Variants in TADA3 observed in about 807,000 individuals in gnomAD.
The protein encoded by TADA3 is transcriptional adapter 3.
TADA3 carries 25 observed loss-of-function variants against 43.2 expected under a neutral mutation model. The ratio of observed to expected loss-of-function variants is 0.58; its 90% confidence interval spans 0.42 to 0.81. The LOEUF is 0.81. Among genes scored for constraint, TADA3 ranks in the 30% least tolerant of loss-of-function variants. The pLI is 0.00. For synonymous variants in TADA3, 235 were observed against 225.5 expected, an observed-to-expected ratio of 1.04 and a Z score of -0.38; for missense variants, 441 against 567.8, an observed-to-expected ratio of 0.78 and a Z score of 2.27.
chr3:9,780,663 TCATA>T (rs1317322286), intron 8 of TADA3, 114 bp from the exon 9 acceptor site: 2 of 1,135,834 alleles, frequency 1.8e-6, no homozygotes, highest in East Asian at 2.6e-5. Context: ...GTGGATTGTG[TCATA>T]CAGTCGTGAC....
intron 8 of TADA3, among the ~76,000 whole-genome samples, chr3:9,781,053 C>A (rs971933968): frequency 1.3e-5 from 2 of 151,956 alleles, no homozygotes; most frequent in Admixed American, 1.3e-4. Flanking sequence ...TTGCTTGAGG[C>A]CAGGAGTTCA....
chr3:9,789,990 G>C (rs200731930), intron 2 of TADA3, 27 bp from the exon 3 acceptor site: 19 of 1,557,028 alleles, frequency 1.2e-5, no homozygotes, highest in Middle Eastern at 3.5e-4. Flanking sequence ...GTGTCACTGA[G>C]GGGGAGAAGG....
In TADA3 at chr3:9,787,258, G is replaced by A. The variant is rs377247076; in HGVS notation, c.647C>T (p.Ala216Val). ...GCCTTTCTTCTTGTCAGCCACAGCCGCTGCCCGGGCCCCATCCTTCTGCTC... is the reference window on the plus strand; with the variant it reads ...GCCTTTCTTCTTGTCAGCCACAGCCACTGCCCGGGCCCCATCCTTCTGCTC... The part of the protein sequence containing the change: ...LEEQKDGARA[A>V]AVADKKKGLM... The change falls in exon 5 of 9, where the codon GCG becomes GTG. Residue 216 changes from alanine to valine, a missense_variant. Physicochemically the swap from Ala to Val is moderately conservative, Grantham distance 64. Transcript: ENST00000301964. The A allele has an allele frequency of 1.1e-5, 18 of 1,614,050 alleles. No individual in the cohort carries two copies. Among genetic ancestry groups the A allele is most frequent in the African/African-American group, 6.7e-5 (5 of 74,916 alleles).
intron 1 of TADA3, 41 bp from the exon 2 acceptor site, chr3:9,791,534 G>A: frequency 7.6e-7 from 1 of 1,308,038 alleles, no homozygotes; most frequent in South Asian, 1.4e-5. Context: ...AAAGTGGTCT[G>A]AGAAAAGCCC....
At position 9,787,084 on chromosome 3, in the gene TADA3, A is replaced by G. The variant is rs759482474; in HGVS notation, c.732T>C (p.Ser244=). Residue 244 remains serine (S), a synonymous_variant, in exon 6 of 9, where the codon TCT becomes TCC. Transcript: ENST00000301964. ...TKDVDALLKK[S]EAQHEQPEDG... ...CTTCCGGCTGTTCATGCTGGGCCTC[A>G]GACTTCTTCAGCAGGGCATCCACAT... 1 of 1,614,254 alleles carries G rather than the reference A, an allele frequency of 6.2e-7. No individual in the cohort carries two copies. Among genetic ancestry groups the G allele is most frequent in the Admixed American group, 1.7e-5 (1 of 60,024 alleles).
chr3:9,788,956 C>T (rs893402060), intron 4 of TADA3, among the ~76,000 whole-genome samples: 3 of 152,050 alleles, frequency 2.0e-5, no homozygotes, highest in African/African-American at 7.2e-5. Context: ...CTGACTCAGC[C>T]TCCCGAGTAG....
At chr3:9,790,661 T>C (rs569016233) in intron 2 of TADA3, among the ~76,000 whole-genome samples, 1 of 152,298 alleles carries the variant, frequency 6.6e-6, no homozygotes, top group Admixed American at 6.5e-5. Flanking sequence ...ATAAATAACA[T>C]CTGAAGTACT....
rs1448116279 is a variant in TADA3, at chr3:9,791,511, A to G, written c.-27-18T>C. The G allele has an allele frequency of 6.8e-7, 1 of 1,476,416 alleles. No individual in the cohort carries two copies. The highest frequency in any genetic ancestry group is 1.4e-5 in the African/African-American group (1 of 71,700). 91.5% of individuals were successfully genotyped at this position (1,476,416 alleles called of 1,614,324 possible). A position where few individuals can be genotyped will look rare whatever the true frequency, so the allele number is the denominator to read the frequency against. ...CTGTGGAGCTGGAGAGGACAGGGCC[A>G]TTGATGGGAGACAAAGTGGTCTGAG... On this transcript the variant is annotated intron_variant, in intron 1 of 8. Transcript: ENST00000301964.
At chr3:9,790,052 T>C (rs911604807) in intron 2 of TADA3, 89 bp from the exon 3 acceptor site, 1 of 1,443,218 alleles carries the variant, frequency 6.9e-7, no homozygotes, top group East Asian at 2.4e-5. Context: ...ATCTAGAATC[T>C]ACAGAGGCTC....
chr3:9,792,726 G>T (rs778335537), upstream of TADA3: 1 of 1,236,154 alleles, frequency 8.1e-7, no homozygotes. Flanking sequence ...CGAGAGAAAG[G>T]ATGGGGGTAC....
chr3:9,791,406 T>G lies in TADA3; in HGVS notation c.61A>C (p.Lys21Gln). The change falls in exon 2 of 9, where the codon AAG becomes CAG. Residue 21 changes from lysine to glutamine, a missense_variant. Lys to Gln is a moderately conservative substitution (Grantham distance 53). Coordinates refer to ENST00000301964, the MANE Select transcript of TADA3 (RefSeq NM_006354.5). The stretch of plus-strand genomic sequence containing the variant: ...ACTGCCGTGTAGCGGGGACAGACCT[T>G]CAGGTGATCCACAGACTTGAAGTCG... ...FHDFKSVDHL[K>Q]VCPRYTAVLA... 6.2e-7 allele frequency: 1 copy of G among 1,614,128 alleles called. No homozygotes were observed. The highest frequency in any genetic ancestry group is 8.5e-7 in the Non-Finnish European group (1 of 1,179,978).
intron 3 of TADA3, 25 bp from the exon 4 acceptor site, chr3:9,789,639 T>A (rs192200343): frequency 5.3e-5 from 86 of 1,612,430 alleles, no homozygotes; most frequent in Non-Finnish European, 7.0e-5. Flanking sequence ...AGATCCTGAG[T>A]GGGCGCCCCT....
chr3:9,791,087 G>C (rs1419289426), intron 2 of TADA3, among the ~76,000 whole-genome samples, 173 bp downstream of exon 2: 1 of 152,194 alleles, frequency 6.6e-6, no homozygotes, highest in Non-Finnish European at 1.5e-5. Flanking sequence ...AATTTAAGAG[G>C]ATCATGCATA....
chr3:9,789,139 G>C (rs894242453), intron 4 of TADA3, among the ~76,000 whole-genome samples: 1 of 152,142 alleles, frequency 6.6e-6, no homozygotes, highest in Admixed American at 6.6e-5. Flanking sequence ...CCCAGCCCAA[G>C]TTTTATATCT....
chr3:9,792,437 G>A lies in TADA3; in HGVS notation c.-249C>T, dbSNP rs1253452657. 4.5e-6 allele frequency: 5 copies of A among 1,109,684 alleles called. No individual in the cohort carries two copies. Among genetic ancestry groups the A allele is most frequent in the African/African-American group, 1.6e-5 (1 of 61,584 alleles). 68.7% of individuals were successfully genotyped at this position (1,109,684 alleles called of 1,614,324 possible). On this transcript the variant is annotated 5_prime_UTR_variant, in exon 1 of 9. Coordinates refer to ENST00000301964, the MANE Select transcript of TADA3 (RefSeq NM_006354.5). Reference sequence around the variant, plus strand: ...GCCCCAGGGGCCGCGGGAGGGGGCGGGGAGTTCCGGTCGATGTGAGCAACC... The same window carrying A: ...GCCCCAGGGGCCGCGGGAGGGGGCGAGGAGTTCCGGTCGATGTGAGCAACC...
intron 3 of TADA3, 35 bp from the exon 4 acceptor site, chr3:9,789,649 T>G (rs1255059556): frequency 1.2e-6 from 2 of 1,611,580 alleles, no homozygotes; most frequent in Non-Finnish European, 1.7e-6. Context: ...TGGGCGCCCC[T>G]GCCCCACCAG....
intron 2 of TADA3, among the ~76,000 whole-genome samples, chr3:9,790,623 G>A (rs914959615): frequency 6.6e-6 from 1 of 152,182 alleles, no homozygotes; most frequent in African/African-American, 2.4e-5. Context: ...GCATCTTTAT[G>A]CAGTGAATAA....
At chr3:9,786,520 G>A (rs1300200295) in intron 6 of TADA3, among the ~76,000 whole-genome samples, 1 of 152,120 alleles carries the variant, frequency 6.6e-6, no homozygotes, top group East Asian at 1.9e-4. Context: ...CTGAAGCTAG[G>A]GTTTGAATCC....
intron 4 of TADA3, among the ~76,000 whole-genome samples, chr3:9,788,622 C>T (rs1264777566): frequency 3.3e-5 from 5 of 151,774 alleles, no homozygotes; most frequent in Non-Finnish European, 5.9e-5. Context: ...TCATTGCAAC[C>T]GATGCCTCCC....
Sources: allele counts gnomAD v4.1 joint callset (sites outside exome capture counted in the v4.1 genomes callset), GRCh38; gene constraint gnomAD v4.1.1; transcripts MANE v1.5; gene names NCBI Gene and HGNC (gene_info 2026-07-23, HGNC 2026-07-21).